CSF3R: variants seen among roughly 807,000 people sequenced by gnomAD.
CSF3R encodes the protein granulocyte colony-stimulating factor receptor.
Under a neutral mutation model 84.4 loss-of-function variants are expected in CSF3R, and 52 were observed. That is an observed-to-expected ratio of 0.62 (90% confidence interval 0.49 to 0.78). CSF3R has a LOEUF of 0.78. Ranked by LOEUF, CSF3R falls within the 30% of genes least tolerant of loss-of-function variation. The pLI is 0.00. For missense variants in CSF3R, 890 were observed against 1,055.7 expected, an observed-to-expected ratio of 0.84 and a Z score of 2.17; for synonymous variants, 384 against 429.1, an observed-to-expected ratio of 0.89 and a Z score of 1.30.
rs1314251171 is a variant in CSF3R, at chr1:36,467,952, C to T, written c.1734G>A (p.Leu578=). ...NAQNQSFSAI[L]NASSRGFVLH... is the part of the protein sequence containing the mutation. Reference sequence around the variant, plus strand: ...GGACAAAGCCACGGGAGGAGGCATTCAGGATGGCGGCTGGGAGGGGTGTAC... The same window carrying T: ...GGACAAAGCCACGGGAGGAGGCATTTAGGATGGCGGCTGGGAGGGGTGTAC... Residue 578 remains leucine, a synonymous_variant, in exon 14 of 17, where the codon CTG becomes CTA. Transcript: ENST00000373106. This position sits in a 1 kb window ranked among gnomAD's most constrained non-coding sequence, Gnocchi z 4.1. 1 of 1,614,176 alleles carries T rather than the reference C, an allele frequency of 6.2e-7. No homozygotes were observed. The highest frequency in any genetic ancestry group is 8.5e-7 in the Non-Finnish European group (1 of 1,180,044).
Position 36,467,318 on chromosome 1 carries a change from A to G in CSF3R, c.1959-7T>C, listed in dbSNP as rs1486375284. On this transcript the variant is annotated splice_region_variant and splice_polypyrimidine_tract_variant and intron_variant, in intron 15 of 16. Transcript: ENST00000373106. This position sits in a 1 kb window ranked among gnomAD's most constrained non-coding sequence, Gnocchi z 4.1. ...CCAGAGGGGATTCTTCCTGCTGGAG[A>G]AGGGGGCAGGTGGAGGCTGAGTCAG... 2.5e-6 allele frequency: 4 copies of G among 1,613,892 alleles called. No individual in the cohort carries two copies. The Middle Eastern group carries it at 4.9e-4, about 199-fold the overall frequency.
At chr1:36,470,557 CTAA>C (rs1650646293) in intron 10 of CSF3R, among the ~76,000 whole-genome samples, 2 of 152,198 alleles carry the variant, frequency 1.3e-5, no homozygotes, top group Non-Finnish European at 1.5e-5. Flanking sequence ...CCCCATTTTA[CTAA>C]TGAGAAAACT....
Position 36,467,623 on chromosome 1 carries a change from G to A in CSF3R, c.1893C>T (p.Gly631=), listed in dbSNP as rs760035750. The change falls in exon 15 of 17, where the codon GGC becomes GGT. Residue 631 remains glycine, a synonymous_variant. Coordinates refer to ENST00000373106, the MANE Select transcript of CSF3R (RefSeq NM_000760.4). The surrounding 1 kb of genome is among the most constrained non-coding windows in gnomAD (Gnocchi z 4.1). The part of the protein sequence containing the change: ...PEGSELHIIL[G]LFGLLLLLTC... ...TGAGCAACAGCAGGAGGCCGAACAG[G>A]CCCAGGATGATGTGTAGCTCCGACC... 2 of 1,614,072 alleles carry A rather than the reference G, an allele frequency of 1.2e-6. No individual in the cohort carries two copies. Among genetic ancestry groups the A allele is most frequent in the Non-Finnish European group, 1.7e-6 (2 of 1,180,030 alleles).
At chr1:36,468,821 A>C (rs2124106029) in intron 12 of CSF3R, 1 of 313,154 alleles carries the variant, frequency 3.2e-6, no homozygotes, top group African/African-American at 2.1e-5. Context: ...CTGGCCTCCC[A>C]GAGTGTTAGG....
chr1:36,478,856 C>CGAAT (rs1651343047), intron 3 of CSF3R: 1 of 200,160 alleles, frequency 5.0e-6, no homozygotes, highest in African/African-American at 2.4e-5. Context: ...GTCTCACAAA[C>CGAAT]GAACAAACAA....
At position 36,472,397 on chromosome 1, in the gene CSF3R, G is replaced by A. The variant is rs762536353; in HGVS notation, c.844-6C>T. On this transcript the variant is annotated splice_region_variant and splice_polypyrimidine_tract_variant and intron_variant, in intron 7 of 16. Coordinates refer to ENST00000373106, the MANE Select transcript of CSF3R (RefSeq NM_000760.4). This position sits in a 1 kb window ranked among gnomAD's most constrained non-coding sequence, Gnocchi z 5.0. ...TCCAAGGGGAGGGGGCCCACCTGGT[G>A]AGGGGTGGACAGGACTCTGAGCCTT... is the stretch of plus-strand genomic sequence containing the variant. The A allele has an allele frequency of 1.2e-6, 2 of 1,613,920 alleles. No homozygotes were observed. The highest frequency in any genetic ancestry group is 2.2e-5 in the South Asian group (2 of 91,086).
intron 9 of CSF3R, 135 bp from the exon 10 acceptor site, chr1:36,471,781 C>G: frequency 5.7e-6 from 5 of 875,380 alleles, no homozygotes; most frequent in Non-Finnish European, 8.9e-6. Flanking sequence ...CCCCCCTCCC[C>G]TTTTCCCTCT....
At chr1:36,469,571 C>A in intron 11 of CSF3R, 81 bp downstream of exon 11, 2 of 1,520,250 alleles carry the variant, frequency 1.3e-6, no homozygotes, top group Non-Finnish European at 1.8e-6. Flanking sequence ...TTGGGCAGTT[C>A]AGGTTGTCCC....
intron 3 of CSF3R, 74 bp downstream of exon 3, chr1:36,479,359 G>A: frequency 6.3e-6 from 9 of 1,419,692 alleles, no homozygotes; most frequent in Non-Finnish European, 8.9e-6. Flanking sequence ...CCATGTGGCA[G>A]TGCAAGGAAA....
At chr1:36,471,215 T>G (rs1650699595) in intron 10 of CSF3R, among the ~76,000 whole-genome samples, 1 of 152,072 alleles carries the variant, frequency 6.6e-6, no homozygotes, top group African/African-American at 2.4e-5. Flanking sequence ...CTGGCTAATT[T>G]TTGTATTTTT....
rs1342696009 is a variant in CSF3R, at chr1:36,473,522, A to G, written c.586T>C (p.Tyr196His). The G allele has an allele frequency of 1.9e-6, 3 of 1,614,182 alleles. No homozygotes were observed. In the African/African-American group the frequency reaches 4.0e-5, roughly 22 times the overall value. Residue 196 changes from tyrosine (Y) to histidine (H), a missense_variant, in exon 6 of 17, where the codon TAC becomes CAC. Tyr to His is a moderately conservative substitution (Grantham distance 83, BLOSUM62 2). Transcript: ENST00000373106. ...CCIPRKHLLL[Y>H]QNMGIWVQAE... Reference sequence around the variant, plus strand: ...TGCACCCAGATGCCCATATTCTGGTACAACAGCAGGTGTTTGCGTGGGATG... The same window carrying G: ...TGCACCCAGATGCCCATATTCTGGTGCAACAGCAGGTGTTTGCGTGGGATG...
chr1:36,471,816 A>G, intron 9 of CSF3R, 170 bp from the exon 10 acceptor site: 2 of 728,530 alleles, frequency 2.7e-6, no homozygotes, highest in South Asian at 3.6e-5. Context: ...GGTTCTAGGA[A>G]GGAGGGCAGG....
chr1:36,469,217 A>C lies in CSF3R; in HGVS notation c.1515T>G (p.Thr505=), dbSNP rs779124102. The change falls in exon 12 of 17, where the codon ACT becomes ACG. Residue 505 remains threonine, a synonymous_variant. Coordinates refer to ENST00000373106, the MANE Select transcript of CSF3R (RefSeq NM_000760.4). ...RPFQLYEIIV[T]PLYQDTMGPS... is the part of the protein sequence containing the mutation. ...GTCCCATGGTGTCCTGGTACAAGGG[A>C]GTCACGATGATCTCATAGAGCTGAA... 1 of 1,614,086 alleles carries C rather than the reference A, an allele frequency of 6.2e-7. No individual in the cohort carries two copies. The highest frequency in any genetic ancestry group is 2.2e-5 in the East Asian group (1 of 44,872).
chr1:36,466,254 T>G lies in CSF3R; in HGVS notation c.*103A>C, dbSNP rs895899819. The G allele has an allele frequency of 6.2e-7, 1 of 1,613,524 alleles. No individual in the cohort carries two copies. The highest frequency in any genetic ancestry group is 8.5e-7 in the Non-Finnish European group (1 of 1,179,748). On this transcript the variant is annotated 3_prime_UTR_variant, in exon 17 of 17. Coordinates refer to ENST00000373106, the MANE Select transcript of CSF3R (RefSeq NM_000760.4). This position sits in a 1 kb window ranked among gnomAD's most constrained non-coding sequence, Gnocchi z 4.6. ...CTGGTGACTGGAGATGGTGAGAGCCTGGGCTGGGGTAGTTTTTAGTCATGG... is the reference window on the plus strand; with the variant it reads ...CTGGTGACTGGAGATGGTGAGAGCCGGGGCTGGGGTAGTTTTTAGTCATGG...
At chr1:36,474,467 G>T (rs1005291360) in intron 4 of CSF3R, among the ~76,000 whole-genome samples, 2 of 140,446 alleles carry the variant, frequency 1.4e-5, no homozygotes, top group African/African-American at 5.4e-5. Context: ...GCGTGATCTC[G>T]GCTCACTCGG....
chr1:36,477,899 C>A (rs2124146591), intron 3 of CSF3R, among the ~76,000 whole-genome samples: 1 of 152,176 alleles, frequency 6.6e-6, no homozygotes, highest in East Asian at 2.0e-4. Context: ...GCTAGGACTA[C>A]AGGCACCCGG....
chr1:36,471,459 G>A lies in CSF3R; in HGVS notation c.1259C>T (p.Thr420Ile), dbSNP rs201403199. 8 of 1,614,164 alleles carry A rather than the reference G, an allele frequency of 5.0e-6. No homozygotes were observed. The East Asian group carries it at 1.6e-4, about 31-fold the overall frequency. Residue 420 changes from threonine (T) to isoleucine (I), a missense_variant, in exon 10 of 17, where the codon ACT becomes ATT. By Grantham distance (89) the Thr-to-Ile change is moderately conservative. Transcript: ENST00000373106. Reference sequence around the variant, plus strand: ...TCTGCTTTCTGAGAAGACCACCGGAGTGGGACGAGAGGTCCCGGCTGAGTT... The same window carrying A: ...TCTGCTTTCTGAGAAGACCACCGGAATGGGACGAGAGGTCCCGGCTGAGTT... ...AYNSAGTSRP[T>I]PVVFSESRGP...
In CSF3R at chr1:36,478,145, T is replaced by C. The variant is rs912536124; in HGVS notation, c.64+1288A>G. 2.6e-5 allele frequency among the ~76,000 whole-genome samples: 4 copies of C among 152,340 alleles called. No individual in the cohort carries two copies. In the East Asian group the frequency reaches 5.8e-4, roughly 22 times the overall value. On this transcript the variant is annotated intron_variant, in intron 3 of 16. Transcript: ENST00000373106. The stretch of plus-strand genomic sequence containing the variant: ...ATGCTCTGCCCTCTACAGCAGGGCT[T>C]GAGTGGCCTATTTTTGTATAGCCTA...
chr1:36,472,814 C>G lies in CSF3R; in HGVS notation c.674-128G>C, dbSNP rs758709306. On this transcript the variant is annotated intron_variant, in intron 6 of 16. Transcript: ENST00000373106. This position sits in a 1 kb window ranked among gnomAD's most constrained non-coding sequence, Gnocchi z 5.0. The stretch of plus-strand genomic sequence containing the variant: ...TTGCCAATGACACGTTTCTGTGGTT[C>G]GATCTCTATGTGTCTTTGTTTCTCT... 1 of 1,141,664 alleles carries G rather than the reference C, an allele frequency of 8.8e-7. No homozygotes were observed. The highest frequency in any genetic ancestry group is 1.6e-5 in the African/African-American group (1 of 63,836). 70.7% of individuals were successfully genotyped at this position (1,141,664 alleles called of 1,614,324 possible).
Sources: gnomAD v4.1 joint callset for allele counts (sites outside exome capture counted in the v4.1 genomes callset) on GRCh38, gnomAD v4.1.1 for gene constraint, Gnocchi (gnomAD v3.1) non-coding constraint, MANE v1.5 for transcripts, NCBI Gene and HGNC (gene_info 2026-07-23, HGNC 2026-07-21) for gene names.